MLLT6: variants seen among roughly 807,000 people sequenced by gnomAD.
MLLT6 encodes the protein protein AF-17.
In MLLT6, 22 loss-of-function variants were observed where a neutral mutation model predicts 103.0. The observed-to-expected ratio is 0.21, with a 90% confidence interval of 0.15 to 0.31. MLLT6 has a LOEUF of 0.31. Among genes scored for constraint, MLLT6 ranks in the 10% least tolerant of loss-of-function variants. The probability of loss-of-function intolerance (pLI) is 1.00; values close to 1 mark genes in which losing one functional copy is unlikely to be tolerated. For synonymous variants in MLLT6, 606 were observed against 623.5 expected, an observed-to-expected ratio of 0.97 and a Z score of 0.42; for missense variants, 1,199 against 1,441.7, an observed-to-expected ratio of 0.83 and a Z score of 2.73.
intron 6 of MLLT6, among the ~76,000 whole-genome samples, chr17:38,711,163 G>T (rs1480635500): frequency 3.3e-5 from 5 of 152,116 alleles, no homozygotes; most frequent in Admixed American, 3.3e-4. Context: ...TGACCTTAGA[G>T]GGAGCAGCTA....
chr17:38,707,060 C>T (rs781112299), intron 2 of MLLT6, 31 bp downstream of exon 2: 2 of 1,576,250 alleles, frequency 1.3e-6, no homozygotes, highest in Middle Eastern at 1.7e-4. Flanking sequence ...CTCCACTCCC[C>T]TGCCCCTCCC....
intron 1 of MLLT6, chr17:38,706,245 GC>G (rs1306250326): frequency 6.6e-6 from 1 of 152,442 alleles, no homozygotes; most frequent in Non-Finnish European, 1.5e-5. Context: ...GAGAGGTTGT[GC>G]AGGGGGCCGG....
chr17:38,729,272 A>T lies in MLLT6; in HGVS notation c.*3674A>T. ...TTTATCTCAACTTATTTTCCTGGGGAGAGGTGCCTAGAGGGATTGAGGTAA... is the reference window on the plus strand; with the variant it reads ...TTTATCTCAACTTATTTTCCTGGGGTGAGGTGCCTAGAGGGATTGAGGTAA... On this transcript the variant is annotated 3_prime_UTR_variant, in exon 20 of 20. Coordinates refer to ENST00000621332, the MANE Select transcript of MLLT6 (RefSeq NM_005937.4). 4.3e-6 allele frequency: 1 copy of T among 233,236 alleles called. No homozygotes were observed. Among genetic ancestry groups the T allele is most frequent in the Non-Finnish European group, 8.5e-6 (1 of 118,050 alleles). 14.4% of individuals were successfully genotyped at this position (233,236 alleles called of 1,614,324 possible). A position where few individuals can be genotyped will look rare whatever the true frequency, so the allele number is the denominator to read the frequency against.
At chr17:38,719,482 C>G (rs774080088) in intron 12 of MLLT6, 35 bp from the exon 13 acceptor site, 1 of 1,569,592 alleles carries the variant, frequency 6.4e-7, no homozygotes, top group Admixed American at 1.8e-5. Context: ...AGCTACCACT[C>G]CTCCACGCTG....
intron 19 of MLLT6, chr17:38,725,258 C>T (rs149894928): frequency 6.9e-4 from 368 of 530,408 alleles, no homozygotes; most frequent in Middle Eastern, 9.4e-4. Context: ...GTTTCTCATC[C>T]GACCAATTAG....
intron 7 of MLLT6, among the ~76,000 whole-genome samples, 198 bp from the exon 8 acceptor site, chr17:38,712,493 G>A (rs1025137814): frequency 2.0e-5 from 3 of 152,134 alleles, no homozygotes; most frequent in South Asian, 4.1e-4. Flanking sequence ...AGGCGGGGCC[G>A]GGGGAAGGGC....
At chr17:38,715,890 T>TAAAA (rs1404181362) in intron 9 of MLLT6, 62 bp downstream of exon 9, 28 of 1,419,504 alleles carry the variant, frequency 2.0e-5, no homozygotes, top group Non-Finnish European at 2.7e-5. Flanking sequence ...TGAGCTTTTC[T>TAAAA]GGCAAGGGAC....
In MLLT6 at chr17:38,716,869, C is replaced by T. The variant is rs1256289150; in HGVS notation, c.1539C>T (p.Pro513=). ...GCTTTACCGCCACTGCTGCCTCACC[C>T]TTCTCTGGAGGTTCCCTGGTCAGCT... ...LAGFTATAAS[P]FSGGSLVSSG... Residue 513 remains proline, a synonymous_variant, in exon 10 of 20, where the codon CCC becomes CCT. Coordinates refer to ENST00000621332, the MANE Select transcript of MLLT6 (RefSeq NM_005937.4). The surrounding 1 kb of genome is among the most constrained non-coding windows in gnomAD (Gnocchi z 5.6). 6 of 1,613,664 alleles carry T rather than the reference C, an allele frequency of 3.7e-6. No individual in the cohort carries two copies. The highest frequency in any genetic ancestry group is 5.1e-6 in the Non-Finnish European group (6 of 1,179,788).
chr17:38,724,685 G>T lies in MLLT6; in HGVS notation c.2949G>T (p.Leu983=). 1 of 1,612,900 alleles carries T rather than the reference G, an allele frequency of 6.2e-7. No individual in the cohort carries two copies. The highest frequency in any genetic ancestry group is 1.1e-5 in the South Asian group (1 of 91,016). The change falls in exon 19 of 20, where the codon CTG becomes CTT. Residue 983 remains leucine, a synonymous_variant. Transcript: ENST00000621332. This position sits in a 1 kb window ranked among gnomAD's most constrained non-coding sequence, Gnocchi z 5.4. ...QIQQKRELQR[L]QMAGGSQLPM... ...AGCAGAAACGGGAGCTGCAGCGCCT[G>T]CAGATGGCTGGGGGCTCCCAGCTGC...
rs751583060 is a variant in MLLT6 at position 38,716,972 on chromosome 17, C to T, written c.1642C>T (p.Leu548=). 1.9e-6 allele frequency: 3 copies of T among 1,613,284 alleles called. No homozygotes were observed. The highest frequency in any genetic ancestry group is 2.5e-6 in the Non-Finnish European group (3 of 1,179,890). Residue 548 remains leucine (L), a synonymous_variant, in exon 10 of 20, where the codon CTA becomes TTA. Coordinates refer to ENST00000621332, the MANE Select transcript of MLLT6 (RefSeq NM_005937.4). This position sits in a 1 kb window ranked among gnomAD's most constrained non-coding sequence, Gnocchi z 5.6. ...CAGCTTGAGCCTGGAGTCCCCCTTA[C>T]TAGGGGCAGGTTAGTGACCCCTGGG... is the stretch of plus-strand genomic sequence containing the variant. ...LPSLSLESPL[L]GAGIYTSNKD...
chr17:38,725,605 C>T lies in MLLT6; in HGVS notation c.*7C>T, dbSNP rs1429819914. On this transcript the variant is annotated 3_prime_UTR_variant, in exon 20 of 20. Transcript: ENST00000621332. ...CAACCAGGAAAAAGGCTAAATCCAC[C>T]CTTACCCCTCCTGACCCCCCCAAGT... 1.3e-6 allele frequency: 2 copies of T among 1,587,728 alleles called. No homozygotes were observed. Among genetic ancestry groups the T allele is most frequent in the African/African-American group, 1.5e-5 (1 of 67,614 alleles).
At position 38,726,929 on chromosome 17, in the gene MLLT6, G is replaced by A. The variant is rs1457258585; in HGVS notation, c.*1331G>A. On this transcript the variant is annotated 3_prime_UTR_variant, in exon 20 of 20. Transcript: ENST00000621332. The stretch of plus-strand genomic sequence containing the variant: ...CAATTCTCACCTTCAAAGAGTCCCC[G>A]CCTGCCCAGGCCTTTGGCACAGAGG... The A allele has an allele frequency of 5.8e-4, 136 of 233,590 alleles. No homozygotes were observed. The highest frequency in any genetic ancestry group is 1.3e-3 in the African/African-American group (58 of 45,352). The allele number at this position is 233,590 out of a possible 1,614,324, so 14.5% of individuals were successfully genotyped here. A position where few individuals can be genotyped will look rare whatever the true frequency, so the allele number is the denominator to read the frequency against.
chr17:38,716,218 AT>A lies in MLLT6; in HGVS notation c.1037-148del, dbSNP rs1347499096. On this transcript the variant is annotated intron_variant, in intron 9 of 19. Coordinates refer to ENST00000621332, the MANE Select transcript of MLLT6 (RefSeq NM_005937.4). The surrounding 1 kb of genome is among the most constrained non-coding windows in gnomAD (Gnocchi z 5.6). ...AAAGCTGGAGGGGTCGGGGGTACTC[AT>A]CCCAGGACACAGACAGTGGCAGAGC... The A allele has an allele frequency of 1.2e-6, 1 of 817,250 alleles. No homozygotes were observed. Among genetic ancestry groups the A allele is most frequent in the East Asian group, 2.7e-5 (1 of 37,366 alleles). 50.6% of individuals were successfully genotyped at this position (817,250 alleles called of 1,614,324 possible).
At position 38,715,811 on chromosome 17, in the gene MLLT6, G is replaced by T. The variant is rs775711810; in HGVS notation, c.1019G>T (p.Gly340Val). ...SSSSSSSSSG[G>V]PFQPAVSSLQ... ...TCCTCCTCTTCCTCCTCCTCTGGGG[G>T]GCCCTTCCAGCCTGCAGGTGAGTGT... Residue 340 changes from glycine (G) to valine (V), a missense_variant, in exon 9 of 20, where the codon GGG becomes GTG. This residue lies in a region of MLLT6 where 1,034 missense variants were observed against 1,091.5 expected (regional missense o/e 0.95). Transcript: ENST00000621332. The T allele has an allele frequency of 6.3e-7, 1 of 1,596,784 alleles. No individual in the cohort carries two copies. Among genetic ancestry groups the T allele is most frequent in the Admixed American group, 1.8e-5 (1 of 56,580 alleles).
At position 38,709,622 on chromosome 17, in the gene MLLT6, A is replaced by G. The variant is rs747955998; in HGVS notation, c.552+47A>G. The stretch of plus-strand genomic sequence containing the variant: ...ATGAGCGGGTCAGTCAGCTGTGGTA[A>G]GATGGTTAGAGGGCATGGGCTCTGG... On this transcript the variant is annotated intron_variant, in intron 6 of 19. Transcript: ENST00000621332. This position sits in a 1 kb window ranked among gnomAD's most constrained non-coding sequence, Gnocchi z 4.3. The G allele has an allele frequency of 1.4e-6, 2 of 1,469,296 alleles. No homozygotes were observed. Among genetic ancestry groups the G allele is most frequent in the South Asian group, 1.1e-5 (1 of 87,922 alleles). The allele number at this position is 1,469,296 out of a possible 1,614,324, so 91.0% of individuals were successfully genotyped here.
In MLLT6 at chr17:38,722,198, C is replaced by G; in HGVS notation, c.2763C>G (p.Pro921=). 1 of 1,366,074 alleles carries G rather than the reference C, an allele frequency of 7.3e-7. No individual in the cohort carries two copies. Among genetic ancestry groups the G allele is most frequent in the Non-Finnish European group, 9.4e-7 (1 of 1,064,864 alleles). 84.6% of individuals were successfully genotyped at this position (1,366,074 alleles called of 1,614,324 possible). A position where few individuals can be genotyped will look rare whatever the true frequency, so the allele number is the denominator to read the frequency against. ...PASLSQAGGA[P]TLQLPGCLNS... ...GCTTGAGCCAGGCTGGCGGGGCCCC[C>G]ACGCTGCAGCTGCCAGGCTGTCTCA... The change falls in exon 17 of 20, where the codon CCC becomes CCG. Residue 921 remains proline, a synonymous_variant. Transcript: ENST00000621332.
At position 38,722,720 on chromosome 17, in the gene MLLT6, G is replaced by GC; in HGVS notation, c.2836dup (p.Gln946ProfsTer138). The GC allele has an allele frequency of 6.2e-7, 1 of 1,600,998 alleles. No individual in the cohort carries two copies. Among genetic ancestry groups the GC allele is most frequent in the Non-Finnish European group, 8.5e-7 (1 of 1,176,368 alleles). Reference sequence around the variant, plus strand: ...GACATCTCCTTCAGCAGCAAGAGCAGCAGCTCCAGCAACTCCAGCAGCTCC... The same window carrying GC: ...GACATCTCCTTCAGCAGCAAGAGCAGCCAGCTCCAGCAACTCCAGCAGCTCC... On this transcript the variant is annotated frameshift_variant, in exon 18 of 20. Coordinates refer to ENST00000621332, the MANE Select transcript of MLLT6 (RefSeq NM_005937.4). LOFTEE classifies it high-confidence loss of function.
rs1018193334 is a variant in MLLT6, at chr17:38,722,021, G to A, written c.2586G>A (p.Pro862=). The stretch of plus-strand genomic sequence containing the variant: ...CCCCTGCCCCACTCCCGCCCCAGCC[G>A]CAGAACGGGTTGGGCCGGGCACCCG... ...PGAPAPLPPQ[P]QNGLGRAPGA... The change falls in exon 17 of 20, where the codon CCG becomes CCA. Residue 862 remains proline (P), a synonymous_variant. Transcript: ENST00000621332. 2.7e-6 allele frequency: 4 copies of A among 1,471,298 alleles called. No homozygotes were observed. Among genetic ancestry groups the A allele is most frequent in the Admixed American group, 2.3e-5 (1 of 44,296 alleles). 91.1% of individuals were successfully genotyped at this position (1,471,298 alleles called of 1,614,324 possible).
At chr17:38,720,925 C>T (rs1326999513) in intron 16 of MLLT6, 178 bp downstream of exon 16, 1 of 636,724 alleles carries the variant, frequency 1.6e-6, no homozygotes, top group Non-Finnish European at 2.7e-6. Flanking sequence ...TAGTGCCAGC[C>T]ATTGGCTAAG....
Sources: gnomAD v4.1 joint callset for allele counts (sites outside exome capture counted in the v4.1 genomes callset) on GRCh38, gnomAD v4.1.1 for gene constraint, gnomAD v4.1.1 regional missense constraint, Gnocchi (gnomAD v3.1) non-coding constraint, MANE v1.5 for transcripts, NCBI Gene and HGNC (gene_info 2026-07-23, HGNC 2026-07-21) for gene names.